EYS: variants seen among roughly 807,000 people sequenced by gnomAD.
EYS encodes the protein protein eyes shut homolog.
Under a neutral mutation model 282.1 loss-of-function variants are expected in EYS, and 250 were observed. The observed-to-expected ratio is 0.89, with a 90% confidence interval of 0.80 to 0.98. EYS has a LOEUF of 0.98. EYS is among the 50% of genes least tolerant of loss of function. EYS has a pLI of 0.00. For synonymous variants in EYS, 1,355 were observed against 1,282.9 expected (o/e 1.06, Z -1.20); for missense variants, 4,016 against 3,709.0 (o/e 1.08, Z -2.15).
intron 12 of EYS, among the ~76,000 whole-genome samples, chr6:65,255,118 A>G (rs1767426120): frequency 2.6e-5 from 4 of 152,000 alleles, no homozygotes; most frequent in African/African-American, 9.7e-5. Flanking sequence ...TCATTACCTG[A>G]CTTCAAATTA....
At chr6:64,344,670 T>C (rs1304193633) in intron 29 of EYS, among the ~76,000 whole-genome samples, 1 of 152,116 alleles carries the variant, frequency 6.6e-6, no homozygotes, top group East Asian at 1.9e-4. Flanking sequence ...ACCACTCCTA[T>C]TCAACATAGT....
chr6:63,936,174 C>T (rs2149754540), intron 35 of EYS, among the ~76,000 whole-genome samples: 1 of 152,268 alleles, frequency 6.6e-6, no homozygotes, highest in Non-Finnish European at 1.5e-5. Context: ...TTCACCATAG[C>T]CCTTTGACAT....
intron 22 of EYS, among the ~76,000 whole-genome samples, chr6:64,793,233 A>G (rs930564091): frequency 2.0e-5 from 3 of 152,162 alleles, no homozygotes; most frequent in African/African-American, 7.2e-5. Context: ...TATTGGTGTA[A>G]ATCAATTAAT....
At chr6:64,660,550 A>G (rs1439444221) in intron 22 of EYS, among the ~76,000 whole-genome samples, 5 of 152,212 alleles carry the variant, frequency 3.3e-5, no homozygotes, top group Non-Finnish European at 5.9e-5. Context: ...CTCAGGATAC[A>G]AAAGCCATGT....
intron 22 of EYS, among the ~76,000 whole-genome samples, chr6:64,701,202 T>C (rs1174495384): frequency 6.6e-6 from 1 of 152,052 alleles, no homozygotes; most frequent in African/African-American, 2.4e-5. Context: ...TTATCTCTCA[T>C]TATGTACAAA....
At chr6:64,669,217 T>C (rs965842777) in intron 22 of EYS, among the ~76,000 whole-genome samples, 3 of 152,234 alleles carry the variant, frequency 2.0e-5, no homozygotes, top group Non-Finnish European at 4.4e-5. Flanking sequence ...AATTTTGATA[T>C]TGACCACATA....
intron 10 of EYS, among the ~76,000 whole-genome samples, chr6:65,338,987 A>G (rs1770096005): frequency 1.3e-5 from 2 of 151,298 alleles, no homozygotes; most frequent in South Asian, 4.1e-4. Flanking sequence ...TAATTTTGTC[A>G]TATCCACATT....
rs371549034 is a variant in EYS, at chr6:63,956,907, A to G, written c.7055+27476T>C. On this transcript the variant is annotated intron_variant, in intron 35 of 42. Transcript: ENST00000503581. ...GTGGTCTCCAATACACCTTTTAAAT[A>G]TTGGTTATCATCTCATGAAACTACA... is the stretch of plus-strand genomic sequence containing the variant. 1.2e-4 allele frequency among the ~76,000 whole-genome samples: 18 copies of G among 152,266 alleles called. No homozygotes were observed. The East Asian group carries it at 2.3e-3, about 20-fold the overall frequency.
At chr6:65,459,118 A>G (rs768910019) in intron 5 of EYS, among the ~76,000 whole-genome samples, 1 of 152,132 alleles carries the variant, frequency 6.6e-6, no homozygotes. Flanking sequence ...ACACACAGTC[A>G]TTAAAATCTG....
intron 33 of EYS, among the ~76,000 whole-genome samples, chr6:64,009,198 G>A (rs1196097148): frequency 6.6e-6 from 1 of 150,916 alleles, no homozygotes; most frequent in African/African-American, 2.4e-5. Context: ...GTCTGACTGA[G>A]TTATTTTGAA....
intron 31 of EYS, among the ~76,000 whole-genome samples, chr6:64,113,426 T>C (rs917659815): frequency 1.2e-4 from 18 of 152,172 alleles, no homozygotes; most frequent in African/African-American, 3.9e-4. Context: ...ACCTGTCTCA[T>C]TAGGTTGTGA....
chr6:63,990,213 G>T (rs913777868), intron 34 of EYS, among the ~76,000 whole-genome samples: 2 of 151,578 alleles, frequency 1.3e-5, no homozygotes, highest in Admixed American at 6.6e-5. Context: ...TCAGCAAGAT[G>T]GCAGAATAGG....
At chr6:64,478,966 C>A (rs1407860159) in intron 26 of EYS, among the ~76,000 whole-genome samples, 1 of 151,588 alleles carries the variant, frequency 6.6e-6, no homozygotes, top group African/African-American at 2.4e-5. Flanking sequence ...CTGAAGGCAA[C>A]CTTGTTAGAT....
chr6:65,371,284 G>A (rs1765131289), intron 8 of EYS, among the ~76,000 whole-genome samples: 1 of 151,690 alleles, frequency 6.6e-6, no homozygotes, highest in South Asian at 2.1e-4. Flanking sequence ...GATGTAGACT[G>A]GTTATATGAA....
chr6:64,932,566 G>C (rs904488977), intron 15 of EYS, among the ~76,000 whole-genome samples: 2 of 151,808 alleles, frequency 1.3e-5, no homozygotes, highest in Non-Finnish European at 1.5e-5. Context: ...TGGAAAACTA[G>C]AAAACATCAC....
chr6:65,355,278 A>T (rs1392938214), intron 8 of EYS, among the ~76,000 whole-genome samples: 1 of 149,372 alleles, frequency 6.7e-6, no homozygotes, highest in Non-Finnish European at 1.5e-5. Context: ...TGCTTCAGTG[A>T]CTGGTCTACC....
intron 36 of EYS, among the ~76,000 whole-genome samples, chr6:63,843,729 T>C (rs1342084249): frequency 1.3e-5 from 2 of 152,158 alleles, no homozygotes; most frequent in East Asian, 3.9e-4. Context: ...TTCAACGTAG[T>C]ATTGGAAGTT....
At chr6:65,129,222 A>T (rs1581935927) in intron 12 of EYS, among the ~76,000 whole-genome samples, 2 of 152,156 alleles carry the variant, frequency 1.3e-5, no homozygotes, top group South Asian at 4.1e-4. Context: ...ATATCCTAGA[A>T]AGAAACCTAG....
At chr6:64,221,418 C>G (rs576941000) in intron 31 of EYS, among the ~76,000 whole-genome samples, 2 of 152,124 alleles carry the variant, frequency 1.3e-5, no homozygotes, top group South Asian at 2.1e-4. Context: ...TGTCTATTAT[C>G]ATGGGATGAT....
Sources: gnomAD v4.1 joint callset for allele counts (sites outside exome capture counted in the v4.1 genomes callset) on GRCh38, gnomAD v4.1.1 for gene constraint, MANE v1.5 for transcripts, NCBI Gene and HGNC (gene_info 2026-07-23, HGNC 2026-07-21) for gene names.